The following PTPRD variants were observed in gnomAD, a reference collection of about 807,000 sequenced individuals.
PTPRD encodes receptor-type tyrosine-protein phosphatase delta.
In PTPRD, 34 loss-of-function variants were observed where a neutral mutation model predicts 214.5. That is an observed-to-expected ratio of 0.16 (90% CI 0.12 to 0.21). The LOEUF (loss-of-function observed/expected upper bound fraction) is 0.21. Ranked by LOEUF, PTPRD falls within the 10% of genes least tolerant of loss-of-function variation. PTPRD has a pLI of 1.00. For missense variants in PTPRD, 2,545 were observed against 2,398.7 expected (o/e 1.06, Z -1.27); for synonymous variants, 1,128 against 845.7 (o/e 1.33, Z -5.79).
intron 7 of PTPRD, among the ~76,000 whole-genome samples, chr9:9,577,635 A>C (rs1007803151): frequency 1.3e-5 from 2 of 152,146 alleles, no homozygotes; most frequent in African/African-American, 4.8e-5. Flanking sequence ...CTATTTTCAG[A>C]GGAGAGATTT....
chr9:8,494,393 A>T (rs1012014354), intron 26 of PTPRD, among the ~76,000 whole-genome samples: 8 of 152,178 alleles, frequency 5.3e-5, no homozygotes, highest in Admixed American at 3.9e-4. Context: ...GAAATGTTGT[A>T]TTTCCAGGAC....
intron 44 of PTPRD, among the ~76,000 whole-genome samples, chr9:8,322,989 T>C (rs1195729508): frequency 2.0e-5 from 3 of 152,166 alleles, no homozygotes; most frequent in East Asian, 1.9e-4. Context: ...ACATCTCTCA[T>C]TTTAAGTCAA....
chr9:10,389,468 C>T (rs2098008971), intron 2 of PTPRD, among the ~76,000 whole-genome samples: 1 of 151,886 alleles, frequency 6.6e-6, no homozygotes, highest in African/African-American at 2.4e-5. Context: ...AATCCACACA[C>T]AGTAATTTGG....
chr9:8,506,204 G>C (rs1321972762), intron 22 of PTPRD, among the ~76,000 whole-genome samples: 2 of 152,070 alleles, frequency 1.3e-5, no homozygotes, highest in Non-Finnish European at 2.9e-5. Context: ...TTTTTTAAAA[G>C]ATATTCTTTA....
chr9:9,218,505 T>C (rs74435692), intron 9 of PTPRD, among the ~76,000 whole-genome samples: 12,913 of 152,190 alleles, frequency 0.085, 820 homozygotes, highest in East Asian at 0.29. Flanking sequence ...CCAATATAAA[T>C]AGGTCTGACA....
At chr9:10,147,273 T>TA (rs760166693) in intron 3 of PTPRD, among the ~76,000 whole-genome samples, 15 of 150,930 alleles carry the variant, frequency 9.9e-5, no homozygotes, top group Non-Finnish European at 1.8e-4. Flanking sequence ...TCTTTTTTTT[T>TA]ATTATTATAC....
intron 7 of PTPRD, among the ~76,000 whole-genome samples, chr9:9,660,575 T>C (rs1388494024): frequency 6.6e-6 from 1 of 152,024 alleles, no homozygotes; most frequent in Non-Finnish European, 1.5e-5. Context: ...GTTATTTGTG[T>C]TCAGAAACTG....
intron 5 of PTPRD, among the ~76,000 whole-genome samples, chr9:9,774,003 T>C (rs1267440476): frequency 6.6e-6 from 1 of 152,222 alleles, no homozygotes; most frequent in African/African-American, 2.4e-5. Context: ...AATCTCCTAT[T>C]CTACAAACAT....
intron 2 of PTPRD, among the ~76,000 whole-genome samples, chr9:10,502,234 T>A (rs2133272262): frequency 6.6e-6 from 1 of 151,910 alleles, no homozygotes; most frequent in African/African-American, 2.4e-5. Context: ...ATAATCTTCC[T>A]ATGGCCAGAA....
At chr9:9,220,803 A>G (rs891418690) in intron 9 of PTPRD, among the ~76,000 whole-genome samples, 2 of 152,064 alleles carry the variant, frequency 1.3e-5, no homozygotes, top group Admixed American at 6.6e-5. Context: ...GCCATTTTGT[A>G]TTTTTATAAT....
At chr9:10,417,486 G>C (rs1327588657) in intron 2 of PTPRD, among the ~76,000 whole-genome samples, 7 of 151,740 alleles carry the variant, frequency 4.6e-5, no homozygotes, top group Admixed American at 4.6e-4. Context: ...AAGAAGTATA[G>C]CAAGTGTAAT....
intron 11 of PTPRD, chr9:8,860,991 G>A (rs561283203): frequency 6.6e-6 from 1 of 152,186 alleles, no homozygotes; most frequent in African/African-American, 2.4e-5. Context: ...CTTTTATGAA[G>A]GAAAAATGAA....
chr9:9,818,422 G>A (rs1204572417), intron 5 of PTPRD, among the ~76,000 whole-genome samples: 2 of 152,094 alleles, frequency 1.3e-5, no homozygotes, highest in African/African-American at 4.8e-5. Context: ...ACTCCTAGAT[G>A]CTATGTTTCC....
At chr9:10,348,174 C>CCT (rs1430172970) in intron 2 of PTPRD, among the ~76,000 whole-genome samples, 2 of 152,174 alleles carry the variant, frequency 1.3e-5, no homozygotes, top group African/African-American at 4.8e-5. Flanking sequence ...AACTTCTCTT[C>CCT]CTCTCTCCTT....
At chr9:8,930,467 G>GTA (rs1311436982) in intron 11 of PTPRD, among the ~76,000 whole-genome samples, 1 of 152,080 alleles carries the variant, frequency 6.6e-6, no homozygotes, top group Non-Finnish European at 1.5e-5. Flanking sequence ...AATCCTTTGG[G>GTA]TATATACCCA....
intron 3 of PTPRD, among the ~76,000 whole-genome samples, chr9:10,192,290 A>C (rs294856): frequency 0.54 from 82,386 of 151,596 alleles, 24,832 homozygotes; most frequent in African/African-American, 0.82. Context: ...GTTATGTAAA[A>C]ACTCTGTAGT....
chr9:10,535,860 T>C (rs2057659950), intron 2 of PTPRD, among the ~76,000 whole-genome samples: 1 of 152,118 alleles, frequency 6.6e-6, no homozygotes, highest in African/African-American at 2.4e-5. Flanking sequence ...GATACCCTTT[T>C]ACCTCTTTAT....
chr9:8,455,704 T>C (rs1352451196), intron 33 of PTPRD, among the ~76,000 whole-genome samples: 2 of 152,218 alleles, frequency 1.3e-5, no homozygotes, highest in Non-Finnish European at 2.9e-5. Context: ...CTTCTTATTC[T>C]TAATTTTATA....
chr9:10,027,729 T>C (rs1437349329), intron 4 of PTPRD, among the ~76,000 whole-genome samples: 1 of 152,156 alleles, frequency 6.6e-6, no homozygotes, highest in Non-Finnish European at 1.5e-5. Context: ...TATATGCACA[T>C]ATATGTAATA....
Sources: allele counts gnomAD v4.1 joint callset (sites outside exome capture counted in the v4.1 genomes callset), GRCh38; gene constraint gnomAD v4.1.1; transcripts MANE v1.5; gene names NCBI Gene and HGNC (gene_info 2026-07-23, HGNC 2026-07-21).